PRR11: variants seen among roughly 807,000 people sequenced by gnomAD.
The protein encoded by PRR11 is proline rich 11.
Under a neutral mutation model 45.6 loss-of-function variants are expected in PRR11, and 30 were observed. That is an observed-to-expected ratio of 0.66 (90% CI 0.49 to 0.89). The LOEUF is 0.89. Ranked by LOEUF, PRR11 falls within the 40% of genes least tolerant of loss-of-function variation. The pLI is 0.00. For missense variants in PRR11, 373 were observed against 424.8 expected (o/e 0.88, Z 1.07); for synonymous variants, 128 against 153.5 (o/e 0.83, Z 1.23).
At chr17:59,172,022 C>T (rs1310597825) in intron 2 of PRR11, among the ~76,000 whole-genome samples, 1 of 151,988 alleles carries the variant, frequency 6.6e-6, no homozygotes, top group Non-Finnish European at 1.5e-5. Flanking sequence ...AAAAGTACAA[C>T]AATTTTGAAG....
intron 7 of PRR11, 150 bp downstream of exon 7, chr17:59,195,593 A>G: frequency 1.1e-5 from 6 of 554,548 alleles, no homozygotes. Flanking sequence ...TGAAATCTAC[A>G]GAAAAGTTTA....
chr17:59,168,143 T>TTTTTA (rs149225177), intron 1 of PRR11, among the ~76,000 whole-genome samples: 5,377 of 150,864 alleles, frequency 0.036, 297 homozygotes, highest in African/African-American at 0.12. Context: ...CTAGGTAATG[T>TTTTTA]TTTTATTTTA....
At chr17:59,164,451 A>G (rs962443980) in intron 1 of PRR11, among the ~76,000 whole-genome samples, 13 of 152,036 alleles carry the variant, frequency 8.6e-5, no homozygotes, top group Non-Finnish European at 4.4e-5. Flanking sequence ...GCACTTTGGG[A>G]GGCTGAGGTA....
intron 2 of PRR11, among the ~76,000 whole-genome samples, chr17:59,179,018 G>A (rs1229672166): frequency 2.6e-5 from 4 of 151,658 alleles, no homozygotes; most frequent in African/African-American, 9.7e-5. Context: ...TTTATTTATT[G>A]AGATGGAGTC....
At chr17:59,185,593 G>T in intron 4 of PRR11, 31 bp downstream of exon 4, 1 of 1,555,766 alleles carries the variant, frequency 6.4e-7, no homozygotes. Flanking sequence ...AGCAAATCTG[G>T]AATTAGGTAA....
rs1599711432 is a variant in PRR11, at chr17:59,203,885, C to T, written c.*2254C>T. 6.7e-6 allele frequency: 1 copy of T among 148,560 alleles called. No homozygotes were observed. Among genetic ancestry groups the T allele is most frequent in the African/African-American group, 2.5e-5 (1 of 40,374 alleles). The allele number at this position is 148,560 out of a possible 1,614,324, so 9.2% of individuals were successfully genotyped here. A position where few individuals can be genotyped will look rare whatever the true frequency, so the allele number is the denominator to read the frequency against. ...GGTAGTGACGTTAAGAGATATATATCAGCTTCTAGTAAAAGTTTTTTTTTT... is the reference window on the plus strand; with the variant it reads ...GGTAGTGACGTTAAGAGATATATATTAGCTTCTAGTAAAAGTTTTTTTTTT... On this transcript the variant is annotated 3_prime_UTR_variant, in exon 10 of 10. Transcript: ENST00000262293.
chr17:59,203,058 G>A lies in PRR11; in HGVS notation c.*1427G>A, dbSNP rs2046900178. Among the ~76,000 whole-genome samples, 1 of 152,130 alleles carries A rather than the reference G, an allele frequency of 6.6e-6. No individual in the cohort carries two copies. The highest frequency in any genetic ancestry group is 2.4e-5 in the African/African-American group (1 of 41,438). Reference sequence around the variant, plus strand: ...CTAAAAAGTAAAAAGCAACTCCCCAGAAAGACTGTATTTCTACAGATAAAT... The same window carrying A: ...CTAAAAAGTAAAAAGCAACTCCCCAAAAAGACTGTATTTCTACAGATAAAT... On this transcript the variant is annotated 3_prime_UTR_variant, in exon 10 of 10. Transcript: ENST00000262293.
intron 1 of PRR11, among the ~76,000 whole-genome samples, chr17:59,159,903 A>T (rs2046643109): frequency 1.3e-5 from 2 of 152,068 alleles, no homozygotes; most frequent in African/African-American, 4.8e-5. Flanking sequence ...TATCATATAC[A>T]TATCCCATCA....
Position 59,193,589 on chromosome 17 carries a change from G to C in PRR11, c.500G>C (p.Gly167Ala), listed in dbSNP as rs780016733. Residue 167 changes from glycine (G) to alanine (A), a missense_variant, in exon 5 of 10, where the codon GGA (glycine) becomes GCA (alanine). Gly to Ala is a moderately conservative substitution (Grantham distance 60). Coordinates refer to ENST00000262293, the MANE Select transcript of PRR11 (RefSeq NM_018304.4). ...NVPACVLITP[G>A]DSKAVLPPTL... ...CCTGCCTGCGTTCTGATCACCCCTG[G>C]AGACTCCAAAGCTGTGCTTCCTCCC... 1 of 1,614,086 alleles carries C rather than the reference G, an allele frequency of 6.2e-7. No homozygotes were observed. The highest frequency in any genetic ancestry group is 8.5e-7 in the Non-Finnish European group (1 of 1,180,026).
At position 59,194,267 on chromosome 17, in the gene PRR11, TCA is replaced by T. The variant is rs57853873; in HGVS notation, c.646-453_646-452del. Among the ~76,000 whole-genome samples, 419 of 141,006 alleles carry T rather than the reference TCA, an allele frequency of 3.0e-3. 2 individuals carry two copies. The highest frequency in any genetic ancestry group is 6.4e-3 in the East Asian group (30 of 4,724). The allele number at this position is 141,006 out of a possible 152,430, so 92.5% of individuals were successfully genotyped here. A position where few individuals can be genotyped will look rare whatever the true frequency, so the allele number is the denominator to read the frequency against. ...ATTAAATCCAGAGTCTTCCCAATCCTCACACACACACACACACACACACACAC... is the reference window on the plus strand; with the variant it reads ...ATTAAATCCAGAGTCTTCCCAATCCTCACACACACACACACACACACACAC... On this transcript the variant is annotated intron_variant, in intron 5 of 9. Transcript: ENST00000262293.
At chr17:59,174,802 G>A (rs1240457398) in intron 2 of PRR11, among the ~76,000 whole-genome samples, 1 of 152,098 alleles carries the variant, frequency 6.6e-6, no homozygotes, top group African/African-American at 2.4e-5. Context: ...GCGATCTCGT[G>A]CCCACACCCA....
rs1555714847 is a variant in PRR11, at chr17:59,162,249, CAG to C, written c.-6+6464_-6+6465del. On this transcript the variant is annotated intron_variant, in intron 1 of 9. Transcript: ENST00000262293. ...ACACACACACACACACACACACACA[CAG>C]AGAGAGAGAGAGAGAGAGAAAGAAA... Among the ~76,000 whole-genome samples, 475 of 134,856 alleles carry C rather than the reference CAG, an allele frequency of 3.5e-3. 2 individuals carry two copies. The highest frequency in any genetic ancestry group is 0.012 in the African/African-American group (394 of 32,234). The allele number at this position is 134,856 out of a possible 152,430, so 88.5% of individuals were successfully genotyped here. A position where few individuals can be genotyped will look rare whatever the true frequency, so the allele number is the denominator to read the frequency against.
intron 1 of PRR11, among the ~76,000 whole-genome samples, chr17:59,156,656 CTTT>C (rs869165501): frequency 1.4e-5 from 2 of 142,258 alleles, no homozygotes; most frequent in East Asian, 4.0e-4. Flanking sequence ...CTCTTTCTTT[CTTT>C]TTTTTTTTTT....
At chr17:59,169,927 G>C in intron 2 of PRR11, 47 bp downstream of exon 2, 1 of 1,531,254 alleles carries the variant, frequency 6.5e-7, no homozygotes, top group South Asian at 1.3e-5. Context: ...GATCTGATCA[G>C]TTTAAGATAG....
chr17:59,201,095 C>T (rs1338165500), intron 9 of PRR11, among the ~76,000 whole-genome samples: 1 of 152,108 alleles, frequency 6.6e-6, no homozygotes, highest in Admixed American at 6.6e-5. Flanking sequence ...TTATCCCTCA[C>T]CCCACCCCAC....
chr17:59,181,585 A>G lies in PRR11; in HGVS notation c.129-3469A>G, dbSNP rs2046786937. The G allele has an allele frequency of 5.9e-6, 8 of 1,354,242 alleles. No homozygotes were observed. The Admixed American group carries it at 1.2e-4, about 21-fold the overall frequency. 83.9% of individuals were successfully genotyped at this position (1,354,242 alleles called of 1,614,324 possible). A position where few individuals can be genotyped will look rare whatever the true frequency, so the allele number is the denominator to read the frequency against. On this transcript the variant is annotated intron_variant, in intron 2 of 9. Coordinates refer to ENST00000262293, the MANE Select transcript of PRR11 (RefSeq NM_018304.4). ...TAGCCGTTGCTTCAGCTTCAGCTTC[A>G]TTTTGAGCCCACACAGCATCTCCGC...
chr17:59,183,511 C>T (rs770520581), intron 2 of PRR11, among the ~76,000 whole-genome samples: 3 of 152,114 alleles, frequency 2.0e-5, no homozygotes, highest in African/African-American at 7.2e-5. Context: ...ATTCACTGTC[C>T]GAGATTCTAT....
At chr17:59,169,912 A>G (rs1409475335) in intron 2 of PRR11, 32 bp downstream of exon 2, 7 of 1,577,348 alleles carry the variant, frequency 4.4e-6, no homozygotes, top group Non-Finnish European at 6.0e-6. Flanking sequence ...AAAAAATATT[A>G]GAGAGATCTG....
At chr17:59,170,215 G>A (rs2046700854) in intron 2 of PRR11, among the ~76,000 whole-genome samples, 1 of 151,788 alleles carries the variant, frequency 6.6e-6, no homozygotes, top group Admixed American at 6.6e-5. Flanking sequence ...TCACACCACT[G>A]CACTCAAGCC....
Sources: gnomAD v4.1 joint callset for allele counts (sites outside exome capture counted in the v4.1 genomes callset) on GRCh38, gnomAD v4.1.1 for gene constraint, MANE v1.5 for transcripts, NCBI Gene and HGNC (gene_info 2026-07-23, HGNC 2026-07-21) for gene names.